STXBP6: variants seen among roughly 807,000 people sequenced by gnomAD.
STXBP6 encodes the protein syntaxin-binding protein 6.
Under a neutral mutation model 26.9 loss-of-function variants are expected in STXBP6, and 21 were observed. The observed-to-expected ratio is 0.78, with a 90% CI of 0.55 to 1.12. The LOEUF is 1.12. Among genes scored for constraint, STXBP6 ranks in the 50% most tolerant of loss-of-function variants. STXBP6 has a pLI of 0.00. For synonymous variants in STXBP6, 97 were observed against 92.6 expected, an observed-to-expected ratio of 1.05 and a Z score of -0.27; for missense variants, 232 against 257.9, an observed-to-expected ratio of 0.90 and a Z score of 0.69.
Position 24,812,729 on chromosome 14 carries a change from C to A in STXBP6, c.613G>T (p.Ala205Ser). The change falls in exon 6 of 6, where the codon GCC becomes TCC. Residue 205 changes from alanine (A) to serine (S), a missense_variant. By Grantham distance (99) the Ala-to-Ser change is moderately conservative. Transcript: ENST00000323944. The part of the protein sequence containing the change: ...QQFAETAHKL[A>S]MKHKC ...GTTTCTCAACATTTGTGCTTCATGG[C>A]AAGCTAAGGAGAGAGAGGAATGAGA... 2 of 1,613,674 alleles carry A rather than the reference C, an allele frequency of 1.2e-6. No individual in the cohort carries two copies. The highest frequency in any genetic ancestry group is 2.2e-5 in the East Asian group (1 of 44,828).
chr14:24,832,402 T>C (rs751619839), intron 4 of STXBP6, among the ~76,000 whole-genome samples: 3 of 152,184 alleles, frequency 2.0e-5, no homozygotes, highest in African/African-American at 7.2e-5. Context: ...CATAGACAGA[T>C]TGGGTATTTG....
chr14:24,843,140 C>A (rs1311242504), intron 4 of STXBP6, among the ~76,000 whole-genome samples: 1 of 152,150 alleles, frequency 6.6e-6, no homozygotes, highest in Non-Finnish European at 1.5e-5. Context: ...CTCTCTGAGG[C>A]TCAGTTTCTT....
rs189002937 is a variant in STXBP6 at position 24,899,651 on chromosome 14, C to T, written c.155-42494G>A. On this transcript the variant is annotated intron_variant, in intron 2 of 5. Coordinates refer to ENST00000323944, the MANE Select transcript of STXBP6 (RefSeq NM_001394410.1). ...CAAAAATTAGCTGGGTGTGGTGGCA[C>T]ATGCCTCTAATCCCAGCTACTCAGG... is the stretch of plus-strand genomic sequence containing the variant. Among the ~76,000 whole-genome samples the T allele has an allele frequency of 1.6e-3, 243 of 152,048 alleles. 2 individuals are homozygous for T. Among genetic ancestry groups the T allele is most frequent in the African/African-American group, 5.5e-3 (228 of 41,476 alleles).
intron 2 of STXBP6, among the ~76,000 whole-genome samples, chr14:24,863,097 T>C (rs1594986829): frequency 6.6e-6 from 1 of 152,282 alleles, no homozygotes. Flanking sequence ...TTTGAAAGGA[T>C]ACTCTCTTTT....
At chr14:24,958,731 G>C (rs2073423967) in intron 2 of STXBP6, among the ~76,000 whole-genome samples, 1 of 152,008 alleles carries the variant, frequency 6.6e-6, no homozygotes, top group African/African-American at 2.4e-5. Context: ...GTATCAAGTT[G>C]CATTTTTTTT....
chr14:24,952,107 A>G (rs2140064119), intron 2 of STXBP6, among the ~76,000 whole-genome samples: 1 of 151,702 alleles, frequency 6.6e-6, no homozygotes, highest in South Asian at 2.1e-4. Context: ...GAGGCAGTGG[A>G]TGGGAAATAA....
chr14:24,921,428 A>G (rs1283973478), intron 2 of STXBP6, among the ~76,000 whole-genome samples: 1 of 152,140 alleles, frequency 6.6e-6, no homozygotes, highest in East Asian at 1.9e-4. Context: ...ACTTTCCAAT[A>G]TCTGCAAACA....
chr14:25,010,139 A>G (rs2074996885), intron 1 of STXBP6, among the ~76,000 whole-genome samples: 1 of 152,226 alleles, frequency 6.6e-6, no homozygotes, highest in Non-Finnish European at 1.5e-5. Flanking sequence ...AGTTCTCACC[A>G]TAGAAACTCT....
At chr14:24,814,804 T>C (rs111914681) in intron 5 of STXBP6, among the ~76,000 whole-genome samples, 13 of 152,268 alleles carry the variant, frequency 8.5e-5, no homozygotes, top group African/African-American at 2.9e-4. Flanking sequence ...CCTTATAAAG[T>C]GGCTGAAGCG....
intron 2 of STXBP6, among the ~76,000 whole-genome samples, chr14:24,887,358 A>T (rs1027432744): frequency 6.6e-5 from 10 of 152,298 alleles, no homozygotes; most frequent in Admixed American, 2.0e-4. Context: ...ATTCCCAACT[A>T]TTAATTTTTC....
At chr14:24,956,572 C>A (rs1203313536) in intron 2 of STXBP6, among the ~76,000 whole-genome samples, 2 of 152,144 alleles carry the variant, frequency 1.3e-5, no homozygotes, top group Non-Finnish European at 2.9e-5. Flanking sequence ...AAGCCATCCC[C>A]ATGTACGAAC....
chr14:25,045,698 G>T lies in STXBP6; in HGVS notation c.-33+4180C>A, dbSNP rs1230485931. ...GGCTCACTGCAACCTTCGTCTCCCA[G>T]ATTCAAGCAATTCTCTTGCCTCAGC... is the stretch of plus-strand genomic sequence containing the variant. On this transcript the variant is annotated intron_variant, in intron 1 of 5. Coordinates refer to ENST00000323944, the MANE Select transcript of STXBP6 (RefSeq NM_001394410.1). 3.3e-5 allele frequency among the ~76,000 whole-genome samples: 5 copies of T among 150,024 alleles called. No individual in the cohort carries two copies. The Admixed American group carries it at 3.4e-4, about 10-fold the overall frequency.
Position 25,031,009 on chromosome 14 carries a change from T to C in STXBP6, c.-33+18869A>G, listed in dbSNP as rs367700420. ...TATATTTCAACAGAAATTCAATCTA[T>C]TGCTAGTGGAAATTTGTCCAGACCA... is the stretch of plus-strand genomic sequence containing the variant. On this transcript the variant is annotated intron_variant, in intron 1 of 5. Coordinates refer to ENST00000323944, the MANE Select transcript of STXBP6 (RefSeq NM_001394410.1). Among the ~76,000 whole-genome samples the C allele has an allele frequency of 3.9e-5, 6 of 152,240 alleles. No homozygotes were observed. In the East Asian group the frequency reaches 9.6e-4, roughly 24 times the overall value.
intron 2 of STXBP6, among the ~76,000 whole-genome samples, chr14:24,911,636 C>A (rs1167470085): frequency 6.6e-6 from 1 of 152,198 alleles, no homozygotes; most frequent in East Asian, 1.9e-4. Flanking sequence ...GCCCAACAGT[C>A]AGTCATTTGC....
intron 5 of STXBP6, 67 bp from the exon 6 acceptor site, chr14:24,812,799 T>C: frequency 6.7e-7 from 1 of 1,489,432 alleles, no homozygotes; most frequent in Non-Finnish European, 9.4e-7. Flanking sequence ...GATTTCACTG[T>C]GCTGCTCCCT....
At chr14:24,939,764 A>G (rs1372143420) in intron 2 of STXBP6, among the ~76,000 whole-genome samples, 1 of 152,228 alleles carries the variant, frequency 6.6e-6, no homozygotes, top group Non-Finnish European at 1.5e-5. Context: ...CCAACACGTA[A>G]TAAATATAAG....
intron 1 of STXBP6, among the ~76,000 whole-genome samples, chr14:24,999,056 A>T (rs972634536): frequency 6.6e-6 from 1 of 152,214 alleles, no homozygotes; most frequent in African/African-American, 2.4e-5. Flanking sequence ...CTGAACTTAC[A>T]ATGAAGTTAT....
At chr14:24,876,220 A>C (rs1327032005) in intron 2 of STXBP6, among the ~76,000 whole-genome samples, 1 of 152,158 alleles carries the variant, frequency 6.6e-6, no homozygotes, top group Non-Finnish European at 1.5e-5. Flanking sequence ...TACAGAAATA[A>C]AGCCAGCCAG....
At chr14:24,930,984 G>A (rs1181844532) in intron 2 of STXBP6, among the ~76,000 whole-genome samples, 12 of 145,040 alleles carry the variant, frequency 8.3e-5, no homozygotes, top group Admixed American at 4.8e-4. Context: ...GGTGGCGGGC[G>A]CCTGTAGTCC....
Sources: allele counts gnomAD v4.1 joint callset (sites outside exome capture counted in the v4.1 genomes callset), GRCh38; gene constraint gnomAD v4.1.1; transcripts MANE v1.5; gene names NCBI Gene and HGNC (gene_info 2026-07-23, HGNC 2026-07-21).